The following ACOXL variants were observed in gnomAD, a reference collection of about 807,000 sequenced individuals.
ACOXL encodes the protein acyl-CoA oxidase like.
ACOXL carries 70 observed loss-of-function variants against 71.9 expected under a neutral mutation model. The observed-to-expected ratio is 0.97, with a 90% CI of 0.80 to 1.19. The LOEUF (loss-of-function observed/expected upper bound fraction) is 1.19, where lower values mean the gene tolerates loss of function less well. Among genes scored for constraint, ACOXL ranks in the 50% most tolerant of loss-of-function variants. The pLI, the probability that ACOXL is intolerant of heterozygous loss-of-function variation, is 0.00. For missense variants in ACOXL, 703 were observed against 736.3 expected (o/e 0.95, Z 0.52); for synonymous variants, 253 against 281.6 (o/e 0.90, Z 1.02).
chr2:110,960,663 T>C (rs1461831777), intron 12 of ACOXL, among the ~76,000 whole-genome samples: 2 of 109,752 alleles, frequency 1.8e-5, no homozygotes, highest in African/African-American at 6.3e-5. Flanking sequence ...TTTTTTCTTT[T>C]GGGTTTTTTT....
chr2:110,966,423 T>G (rs1388192336), intron 12 of ACOXL, among the ~76,000 whole-genome samples: 3 of 152,190 alleles, frequency 2.0e-5, no homozygotes, highest in Non-Finnish European at 4.4e-5. Flanking sequence ...GAGCAGGGAC[T>G]AGTCACTACT....
intron 11 of ACOXL, among the ~76,000 whole-genome samples, chr2:110,913,808 AG>A (rs2059737941): frequency 6.6e-6 from 1 of 152,196 alleles, no homozygotes; most frequent in African/African-American, 2.4e-5. Context: ...ACATGGCGAA[AG>A]CAGGAGCAAG....
intron 10 of ACOXL, among the ~76,000 whole-genome samples, chr2:110,874,953 C>T (rs976679089): frequency 6.6e-6 from 1 of 152,122 alleles, no homozygotes; most frequent in Non-Finnish European, 1.5e-5. Flanking sequence ...TATCTGGGAG[C>T]GGGATTCTCA....
intron 1 of ACOXL, among the ~76,000 whole-genome samples, chr2:110,746,491 G>T (rs975549005): frequency 1.3e-5 from 2 of 152,014 alleles, no homozygotes; most frequent in African/African-American, 4.8e-5. Flanking sequence ...CTTGTAAATG[G>T]ACAAGTAAGT....
intron 12 of ACOXL, among the ~76,000 whole-genome samples, chr2:110,972,501 G>T (rs532096683): frequency 6.4e-4 from 98 of 152,270 alleles, no homozygotes; most frequent in South Asian, 1.9e-3. Context: ...CCCCAGGATT[G>T]ATGATTCACT....
Position 110,921,342 on chromosome 2 carries a change from GTTGCTCTCTC to G in ACOXL, c.906-12135_906-12126del, listed in dbSNP as rs538704435. Among the ~76,000 whole-genome samples the G allele has an allele frequency of 2.3e-3, 319 of 141,158 alleles. 2 individuals carry two copies. The highest frequency in any genetic ancestry group is 8.2e-3 in the African/African-American group (313 of 38,078). 92.6% of individuals were successfully genotyped at this position (141,158 alleles called of 152,430 possible). ...ATTTCTTTCCTTTTGCTTGCTTTAA[GTTGCTCTCTC>G]TTGCTCTCTCTCTCTCTCTGTGTCT... On this transcript the variant is annotated intron_variant, in intron 11 of 17. Coordinates refer to ENST00000439055, the MANE Select transcript of ACOXL (RefSeq NM_001142807.4).
chr2:110,791,287 T>TA (rs575829712), intron 3 of ACOXL, among the ~76,000 whole-genome samples: 5 of 152,354 alleles, frequency 3.3e-5, no homozygotes, highest in African/African-American at 1.2e-4. Context: ...GGGTGCCTAC[T>TA]AAGACATTTA....
intron 1 of ACOXL, among the ~76,000 whole-genome samples, chr2:110,764,336 A>G (rs1016417690): frequency 3.3e-5 from 5 of 152,220 alleles, no homozygotes; most frequent in African/African-American, 1.2e-4. Flanking sequence ...AGTGCTAAAA[A>G]AAAATGAGGT....
chr2:111,006,600 C>A (rs1485673567), intron 14 of ACOXL, among the ~76,000 whole-genome samples: 1 of 151,814 alleles, frequency 6.6e-6, no homozygotes, highest in South Asian at 2.1e-4. Context: ...GCTCTGTCAC[C>A]CAGGCTGGAG....
intron 1 of ACOXL, among the ~76,000 whole-genome samples, chr2:110,748,501 G>A (rs930277834): frequency 6.6e-6 from 1 of 152,156 alleles, no homozygotes; most frequent in East Asian, 1.9e-4. Context: ...TTCCCCGGCT[G>A]AGTGACTTCA....
chr2:111,033,500 G>A (rs17482961), intron 15 of ACOXL, among the ~76,000 whole-genome samples: 30,136 of 152,142 alleles, frequency 0.2, 3,673 homozygotes, highest in Middle Eastern at 0.27. Context: ...AAGACAGCTC[G>A]TGTCCTCAGG....
chr2:110,883,271 A>G (rs1025866495), intron 10 of ACOXL, among the ~76,000 whole-genome samples: 3 of 151,938 alleles, frequency 2.0e-5, no homozygotes, highest in African/African-American at 7.3e-5. Flanking sequence ...CACCATGCCT[A>G]GCTAATTTTT....
chr2:110,750,017 T>C (rs1464466748), intron 1 of ACOXL, among the ~76,000 whole-genome samples: 1 of 152,206 alleles, frequency 6.6e-6, no homozygotes, highest in Non-Finnish European at 1.5e-5. Context: ...GGGAAGAATA[T>C]CCTGAGCATC....
In ACOXL at chr2:110,854,942, C is replaced by T. The variant is rs1693056876; in HGVS notation, c.788+13537C>T. On this transcript the variant is annotated intron_variant, in intron 10 of 17. Transcript: ENST00000439055. ...ATGGCCCTGGGGAGGAAGCTACCAA[C>T]TCTTGCTTTAAGAAACTGTCCCAGT... 3.3e-5 allele frequency among the ~76,000 whole-genome samples: 5 copies of T among 152,338 alleles called. No homozygotes were observed. The South Asian group carries it at 1.0e-3, about 32-fold the overall frequency.
chr2:110,891,045 T>C (rs1339688600), intron 10 of ACOXL, among the ~76,000 whole-genome samples: 1 of 141,982 alleles, frequency 7.0e-6, no homozygotes, highest in African/African-American at 2.5e-5. Flanking sequence ...CTATTATAAA[T>C]GGAATTGCTT....
At chr2:110,940,350 T>C (rs933187010) in intron 12 of ACOXL, among the ~76,000 whole-genome samples, 2 of 152,172 alleles carry the variant, frequency 1.3e-5, no homozygotes, top group African/African-American at 4.8e-5. Flanking sequence ...AGCTGGAGTT[T>C]CCGGGGAATA....
rs57667434 is a variant in ACOXL at position 110,815,101 on chromosome 2, A to G, written c.753+9706A>G. Among the ~76,000 whole-genome samples, 358 of 152,310 alleles carry G rather than the reference A, an allele frequency of 2.4e-3. 4 individuals are homozygous for G. Among genetic ancestry groups the G allele is most frequent in the African/African-American group, 8.4e-3 (350 of 41,576 alleles). ...ACAATCATGGTGGAAGGGCGAGCAA[A>G]TATGTCCTTCTTCATATGGTGGCAG... is the stretch of plus-strand genomic sequence containing the variant. On this transcript the variant is annotated intron_variant, in intron 9 of 17. Coordinates refer to ENST00000439055, the MANE Select transcript of ACOXL (RefSeq NM_001142807.4).
At chr2:110,815,695 T>C (rs1687830990) in intron 9 of ACOXL, among the ~76,000 whole-genome samples, 1 of 152,212 alleles carries the variant, frequency 6.6e-6, no homozygotes, top group Non-Finnish European at 1.5e-5. Context: ...AAGCTTGATC[T>C]GAGTTTGGAG....
At chr2:110,808,401 G>A (rs748533241) in intron 9 of ACOXL, among the ~76,000 whole-genome samples, 2 of 152,140 alleles carry the variant, frequency 1.3e-5, no homozygotes, top group Non-Finnish European at 2.9e-5. Context: ...GGGTTCCCGG[G>A]TGACACTGCT....
Sources: allele counts gnomAD v4.1 joint callset (sites outside exome capture counted in the v4.1 genomes callset), GRCh38; gene constraint gnomAD v4.1.1; transcripts MANE v1.5; gene names NCBI Gene and HGNC (gene_info 2026-07-23, HGNC 2026-07-21).